PDGFD: variants seen among roughly 807,000 people sequenced by gnomAD.
PDGFD encodes the protein platelet derived growth factor D.
In PDGFD, 30 loss-of-function variants were observed where a neutral mutation model predicts 44.7. The ratio of observed to expected loss-of-function variants is 0.67; its 90% CI spans 0.50 to 0.91. The LOEUF is 0.91. Among genes scored for constraint, PDGFD ranks in the 40% least tolerant of loss-of-function variants. PDGFD has a pLI of 0.00. For missense variants in PDGFD, 445 were observed against 457.8 expected, an observed-to-expected ratio of 0.97 and a Z score of 0.25; for synonymous variants, 173 against 168.4, an observed-to-expected ratio of 1.03 and a Z score of -0.21.
chr11:103,984,895 TAA>T (rs1214207526), intron 3 of PDGFD, among the ~76,000 whole-genome samples: 1 of 140,566 alleles, frequency 7.1e-6, no homozygotes, highest in Non-Finnish European at 1.5e-5. Flanking sequence ...ATTTACTATA[TAA>T]TATATTAATT....
intron 1 of PDGFD, among the ~76,000 whole-genome samples, chr11:104,093,749 G>A (rs1049864771): frequency 2.6e-5 from 4 of 151,320 alleles, no homozygotes; most frequent in Non-Finnish European, 5.9e-5. Context: ...GAATGTCATG[G>A]GCTCCACCCA....
At chr11:104,159,668 T>C (rs1472284618) in intron 1 of PDGFD, among the ~76,000 whole-genome samples, 2 of 152,198 alleles carry the variant, frequency 1.3e-5, no homozygotes, top group Non-Finnish European at 2.9e-5. Flanking sequence ...ACTATGCTTA[T>C]TATTAGAGAT....
At chr11:103,984,163 T>C (rs1859316569) in intron 3 of PDGFD, among the ~76,000 whole-genome samples, 1 of 151,696 alleles carries the variant, frequency 6.6e-6, no homozygotes, top group Admixed American at 6.6e-5. Flanking sequence ...TCAAGACATA[T>C]GGTCATCAAT....
chr11:104,024,696 G>C (rs1490594314), intron 1 of PDGFD, among the ~76,000 whole-genome samples: 1 of 152,172 alleles, frequency 6.6e-6, no homozygotes, highest in Non-Finnish European at 1.5e-5. Context: ...TTCACACAAT[G>C]ATGAAATCAC....
chr11:104,122,340 G>T (rs1861789463), intron 1 of PDGFD, among the ~76,000 whole-genome samples: 1 of 152,020 alleles, frequency 6.6e-6, no homozygotes, highest in Non-Finnish European at 1.5e-5. Flanking sequence ...TAAAAGATTA[G>T]GGTTGGGGAG....
intron 1 of PDGFD, among the ~76,000 whole-genome samples, chr11:104,133,070 C>T (rs909234289): frequency 6.6e-6 from 1 of 152,012 alleles, no homozygotes; most frequent in Non-Finnish European, 1.5e-5. Flanking sequence ...CAGAGTTGAC[C>T]AATGTCACTT....
intron 1 of PDGFD, among the ~76,000 whole-genome samples, chr11:104,055,631 T>C (rs1860607511): frequency 6.6e-6 from 1 of 152,220 alleles, no homozygotes. Flanking sequence ...AAACACACTA[T>C]TAAGGTGACC....
chr11:104,021,847 T>C (rs556110354), intron 1 of PDGFD, among the ~76,000 whole-genome samples: 33 of 152,220 alleles, frequency 2.2e-4, no homozygotes, highest in African/African-American at 7.9e-4. Flanking sequence ...ATGGATAGCA[T>C]TGGTGGGGGA....
intron 1 of PDGFD, among the ~76,000 whole-genome samples, chr11:104,030,012 C>T (rs1250691335): frequency 6.6e-6 from 1 of 152,136 alleles, no homozygotes; most frequent in East Asian, 1.9e-4. Flanking sequence ...CACACCTGAC[C>T]TCACGAGACG....
intron 1 of PDGFD, among the ~76,000 whole-genome samples, chr11:104,004,515 G>A (rs1859669599): frequency 6.6e-6 from 1 of 152,112 alleles, no homozygotes; most frequent in Non-Finnish European, 1.5e-5. Context: ...TGTGGTATGT[G>A]GAGCGGGAAG....
intron 1 of PDGFD, among the ~76,000 whole-genome samples, chr11:104,046,589 C>T (rs1342750528): frequency 3.4e-5 from 5 of 147,088 alleles, no homozygotes; most frequent in East Asian, 2.0e-4. Context: ...ATAATGACTC[C>T]GAAGTATCTG....
chr11:104,040,746 C>T (rs1860334618), intron 1 of PDGFD, among the ~76,000 whole-genome samples: 1 of 151,890 alleles, frequency 6.6e-6, no homozygotes, highest in Non-Finnish European at 1.5e-5. Flanking sequence ...CTACATTTTA[C>T]ATTGTGACCC....
chr11:104,015,107 C>T (rs1385084688), intron 1 of PDGFD, among the ~76,000 whole-genome samples: 2 of 152,122 alleles, frequency 1.3e-5, no homozygotes, highest in African/African-American at 4.8e-5. Flanking sequence ...GCTGGTGAAT[C>T]GCTTCCTCCA....
intron 1 of PDGFD, among the ~76,000 whole-genome samples, chr11:104,089,907 G>T (rs1485962855): frequency 1.3e-5 from 2 of 152,098 alleles, no homozygotes; most frequent in Non-Finnish European, 1.5e-5. Context: ...GTTGACCATT[G>T]CTCCCTAGAT....
intron 1 of PDGFD, chr11:104,037,030 G>C (rs755145908): frequency 6.2e-7 from 1 of 1,614,224 alleles, no homozygotes; most frequent in Non-Finnish European, 8.5e-7. Context: ...CAAAGATGGC[G>C]ATATCGTGGT....
chr11:104,138,822 C>A (rs1969076), intron 1 of PDGFD, among the ~76,000 whole-genome samples: 19,780 of 152,074 alleles, frequency 0.13, 1,419 homozygotes, highest in East Asian at 0.29. Flanking sequence ...AGTGCAGAGG[C>A]ATGATCTTGG....
intron 1 of PDGFD, among the ~76,000 whole-genome samples, chr11:104,120,256 C>G: frequency 6.6e-6 from 1 of 151,632 alleles, no homozygotes; most frequent in East Asian, 1.9e-4. Flanking sequence ...TAAATTGTTG[C>G]AATTGGCATC....
intron 2 of PDGFD, among the ~76,000 whole-genome samples, chr11:103,999,801 T>G (rs1392133602): frequency 6.6e-6 from 1 of 152,174 alleles, no homozygotes; most frequent in Non-Finnish European, 1.5e-5. Context: ...ATTTCACCCT[T>G]CTTTGGAGGT....
At chr11:103,928,639 GC>G (rs1355314533) in intron 5 of PDGFD, among the ~76,000 whole-genome samples, 1 of 152,182 alleles carries the variant, frequency 6.6e-6, no homozygotes, top group Non-Finnish European at 1.5e-5. Context: ...CATACGCTGA[GC>G]CCAGGATACT....
Sources: allele counts gnomAD v4.1 joint callset (sites outside exome capture counted in the v4.1 genomes callset), GRCh38; gene constraint gnomAD v4.1.1; transcripts MANE v1.5; gene names NCBI Gene and HGNC (gene_info 2026-07-23, HGNC 2026-07-21).